Variants in EDRF1 observed in about 807,000 individuals in gnomAD.
The protein encoded by EDRF1 is erythroid differentiation regulatory factor 1, also known as erythroid differentiation-related factor 1.
In EDRF1, 69 loss-of-function variants were observed where a neutral mutation model predicts 148.7. The observed-to-expected ratio is 0.46, with a 90% CI of 0.38 to 0.57. The LOEUF is 0.57. Ranked by LOEUF, EDRF1 falls within the 20% of genes least tolerant of loss-of-function variation. EDRF1 has a pLI of 0.00. For synonymous variants in EDRF1, 515 were observed against 532.8 expected, an observed-to-expected ratio of 0.97 and a Z score of 0.46; for missense variants, 1,118 against 1,478.7, an observed-to-expected ratio of 0.76 and a Z score of 4.00.
chr10:125,736,643 A>G (rs540322485), intron 13 of EDRF1, among the ~76,000 whole-genome samples: 2 of 152,140 alleles, frequency 1.3e-5, no homozygotes, highest in African/African-American at 4.8e-5. Flanking sequence ...GTCACCTTAA[A>G]ACATTGACCA....
intron 21 of EDRF1, chr10:125,748,668 A>G (rs1849494663): frequency 6.4e-6 from 1 of 156,348 alleles, no homozygotes; most frequent in African/African-American, 2.4e-5. Flanking sequence ...TTATTCTGAA[A>G]AGTATCTTTT....
In EDRF1 at chr10:125,721,207, T is replaced by C; in HGVS notation, c.112T>C (p.Ser38Pro). Residue 38 changes from serine to proline, a missense_variant, in exon 2 of 25, where the codon TCA becomes CCA. Physicochemically the swap from Ser to Pro is moderately conservative, Grantham distance 74 (BLOSUM62 -1). Coordinates refer to ENST00000356792, the MANE Select transcript of EDRF1 (RefSeq NM_001202438.2). Reference protein sequence around the residue: ...GESEESSAQGSALFLGGNEVK... With the variant: ...GESEESSAQGPALFLGGNEVK... ...TTTCACCCAATGTGTTAATTAGGGA[T>C]CAGCTTTATTTCTTGGAGGCAATGA... The C allele has an allele frequency of 6.2e-7, 1 of 1,614,118 alleles. No individual in the cohort carries two copies.
intron 6 of EDRF1, 124 bp from the exon 7 acceptor site, chr10:125,728,879 C>T: frequency 1.3e-6 from 1 of 759,540 alleles, no homozygotes; most frequent in Non-Finnish European, 2.1e-6. Context: ...TTGTATTGGC[C>T]TAATAATTCA....
At chr10:125,752,010 A>T (rs1340532913) in intron 22 of EDRF1, 1 of 152,226 alleles carries the variant, frequency 6.6e-6, no homozygotes, top group African/African-American at 2.4e-5. Context: ...CAGAGTTTTC[A>T]TTGGAACTTG....
rs76985780 is a variant in EDRF1, at chr10:125,735,865, A to T, written c.1719A>T (p.Leu573=). The T allele has an allele frequency of 6.2e-7, 1 of 1,612,266 alleles. No individual in the cohort carries two copies. ...AVAIIKSVGE[L]SVPEKYKSIH... ...CTATAATCAAGTCTGTTGGAGAACTATCAGTACCAGAAAAATACAAATCTA... is the reference window on the plus strand; with the variant it reads ...CTATAATCAAGTCTGTTGGAGAACTTTCAGTACCAGAAAAATACAAATCTA... The change falls in exon 13 of 25, where the codon CTA becomes CTT. Residue 573 remains leucine (L), a synonymous_variant. Transcript: ENST00000356792.
chr10:125,729,569 C>G (rs1848407549), intron 8 of EDRF1, 90 bp downstream of exon 8: 2 of 1,523,516 alleles, frequency 1.3e-6, no homozygotes, highest in African/African-American at 2.7e-5. Context: ...TTGCAGTGAG[C>G]CAAGATCATG....
chr10:125,730,688 A>T (rs1180225230), intron 9 of EDRF1, among the ~76,000 whole-genome samples: 1 of 152,204 alleles, frequency 6.6e-6, no homozygotes, highest in African/African-American at 2.4e-5. Flanking sequence ...AATTAACTGA[A>T]AGTGTCTACA....
chr10:125,753,230 C>A (rs991352895), intron 23 of EDRF1, among the ~76,000 whole-genome samples: 4 of 152,192 alleles, frequency 2.6e-5, no homozygotes, highest in Admixed American at 6.5e-5. Flanking sequence ...AAAGAAAAGG[C>A]CTGTGCCCTC....
intron 2 of EDRF1, 116 bp downstream of exon 2, chr10:125,721,528 AAG>A: frequency 7.0e-6 from 7 of 997,452 alleles, no homozygotes; most frequent in Non-Finnish European, 9.3e-6. Context: ...TCTTTAGAGA[AAG>A]ATCACATTTG....
In EDRF1 at chr10:125,724,275, G is replaced by A. The variant is rs368662891; in HGVS notation, c.510+339G>A. Among the ~76,000 whole-genome samples the A allele has an allele frequency of 2.6e-5, 4 of 152,256 alleles. No homozygotes were observed. The East Asian group carries it at 7.7e-4, about 29-fold the overall frequency. ...ACGTCTCCCTTAAACAGATTCTCAG[G>A]AAACACAGCTACTGGAAAATGTGAA... On this transcript the variant is annotated intron_variant, in intron 4 of 24. Transcript: ENST00000356792.
chr10:125,731,138 C>A (rs1029431587), intron 9 of EDRF1, among the ~76,000 whole-genome samples: 18 of 151,884 alleles, frequency 1.2e-4, no homozygotes, highest in African/African-American at 3.6e-4. Context: ...CAGAGCAAGA[C>A]CCTGTCTCAA....
chr10:125,751,276 T>C (rs149959277), intron 22 of EDRF1, among the ~76,000 whole-genome samples: 3 of 152,358 alleles, frequency 2.0e-5, no homozygotes, highest in Non-Finnish European at 4.4e-5. Context: ...GTTTTACTAC[T>C]GTGAGTACTT....
Position 125,725,790 on chromosome 10 carries a change from C to G in EDRF1, c.744C>G (p.Pro248=), listed in dbSNP as rs375070684. The change falls in exon 6 of 25, where the codon CCC becomes CCG. Residue 248 remains proline (P), a synonymous_variant. Transcript: ENST00000356792. ...NDSEGASWPA[P]FEMPSSVSED... Reference sequence around the variant, plus strand: ...CGGAAGGGGCTTCATGGCCTGCTCCCTTCGAAATGCCTTCTTCAGTTTCTG... The same window carrying G: ...CGGAAGGGGCTTCATGGCCTGCTCCGTTCGAAATGCCTTCTTCAGTTTCTG... The G allele has an allele frequency of 3.7e-5, 60 of 1,613,906 alleles. No individual in the cohort carries two copies. The African/African-American group carries it at 6.4e-4, about 17-fold the overall frequency.
intron 24 of EDRF1, among the ~76,000 whole-genome samples, chr10:125,758,319 A>G (rs1322633117): frequency 3.9e-5 from 6 of 152,326 alleles, no homozygotes; most frequent in African/African-American, 1.4e-4. Context: ...TAGTTCCAAC[A>G]TCTGTGTCAT....
At chr10:125,739,140 A>T (rs2133713016) in intron 15 of EDRF1, among the ~76,000 whole-genome samples, 1 of 151,816 alleles carries the variant, frequency 6.6e-6, no homozygotes, top group East Asian at 1.9e-4. Context: ...AAAAAAGTGT[A>T]GAAAGCCTGT....
intron 13 of EDRF1, among the ~76,000 whole-genome samples, chr10:125,736,488 C>G (rs1848741378): frequency 6.6e-6 from 1 of 152,156 alleles, no homozygotes; most frequent in African/African-American, 2.4e-5. Context: ...TACCGTCTCC[C>G]TATGATTAGA....
chr10:125,723,662 G>C (rs1848114094), intron 3 of EDRF1, 149 bp from the exon 4 acceptor site: 1 of 771,022 alleles, frequency 1.3e-6, no homozygotes, highest in Admixed American at 2.7e-5. Context: ...CTGTGTGTTT[G>C]CATGTAGCTT....
chr10:125,757,529 T>C (rs1849965547), intron 24 of EDRF1, among the ~76,000 whole-genome samples: 1 of 152,254 alleles, frequency 6.6e-6, no homozygotes, highest in African/African-American at 2.4e-5. Context: ...CTTCATTTAT[T>C]CCATTTCAGT....
intron 1 of EDRF1, among the ~76,000 whole-genome samples, chr10:125,720,241 A>G (rs1229408551): frequency 2.0e-5 from 3 of 152,170 alleles, no homozygotes; most frequent in Non-Finnish European, 4.4e-5. Context: ...AGACCGAACT[A>G]ATTCACAAAG....
Sources: gnomAD v4.1 joint callset for allele counts (sites outside exome capture counted in the v4.1 genomes callset) on GRCh38, gnomAD v4.1.1 for gene constraint, MANE v1.5 for transcripts, NCBI Gene and HGNC (gene_info 2026-07-23, HGNC 2026-07-21) for gene names.